Variants in UGT8 observed in about 807,000 individuals in gnomAD.
UGT8 encodes the protein 2-hydroxyacylsphingosine 1-beta-galactosyltransferase.
In UGT8, 12 loss-of-function variants were observed where a neutral mutation model predicts 40.5. That is an observed-to-expected ratio of 0.30 (90% CI 0.19 to 0.48). The LOEUF is 0.48. Among genes scored for constraint, UGT8 ranks in the 20% least tolerant of loss-of-function variants. The pLI, the probability that UGT8 is intolerant of heterozygous loss-of-function variation, is 0.99. For synonymous variants in UGT8, 224 were observed against 240.4 expected (o/e 0.93, Z 0.63); for missense variants, 513 against 648.7 (o/e 0.79, Z 2.27).
At chr4:114,658,140 C>A (rs1046043824) in intron 2 of UGT8, among the ~76,000 whole-genome samples, 1 of 152,202 alleles carries the variant, frequency 6.6e-6, no homozygotes. Flanking sequence ...TGTTCACTAT[C>A]ATTTTACCTA....
intron 1 of UGT8, among the ~76,000 whole-genome samples, chr4:114,612,892 C>A (rs1731176018): frequency 6.6e-6 from 1 of 152,100 alleles, no homozygotes. Context: ...AAGGTAAATT[C>A]TTTTTCTTTT....
rs568970139 is a variant in UGT8, at chr4:114,623,439, C to T, written c.559C>T (p.Arg187Cys). 28 of 1,614,154 alleles carry T rather than the reference C, an allele frequency of 1.7e-5. No homozygotes were observed. In the East Asian group the frequency reaches 4.5e-4, roughly 26 times the overall value. ...AGAGTTTAACTCACTCCTCACAGAC[C>T]GCATGAACTTGCTGCAAAGGATGAA... Reference protein sequence around the residue: ...VPEFNSLLTDRMNLLQRMKNT... With the variant: ...VPEFNSLLTDCMNLLQRMKNT... Residue 187 changes from arginine to cysteine, a missense_variant, in exon 2 of 6, where the codon CGC (arginine) becomes TGC (cysteine). This residue lies in a region of UGT8 where 335 missense variants were observed against 444.8 expected (regional missense o/e 0.75). Coordinates refer to ENST00000310836, the MANE Select transcript of UGT8 (RefSeq NM_001128174.3).
chr4:114,599,616 G>A (rs1730317071), intron 1 of UGT8, among the ~76,000 whole-genome samples: 1 of 152,210 alleles, frequency 6.6e-6, no homozygotes, highest in African/African-American at 2.4e-5. Flanking sequence ...AGGGTTTCAC[G>A]GGTCCCCGCG....
chr4:114,649,887 A>G (rs1272012044), intron 2 of UGT8, among the ~76,000 whole-genome samples: 1 of 152,158 alleles, frequency 6.6e-6, no homozygotes, highest in Non-Finnish European at 1.5e-5. Flanking sequence ...ACTCCTTGGT[A>G]CACTTTTGTG....
intron 2 of UGT8, among the ~76,000 whole-genome samples, chr4:114,659,902 G>C (rs1420042869): frequency 6.6e-6 from 1 of 152,144 alleles, no homozygotes; most frequent in Admixed American, 6.6e-5. Flanking sequence ...CATTGGAACA[G>C]AATAGAATTC....
rs200875294 is a variant in UGT8, at chr4:114,623,019, G to A, written c.139G>A (p.Glu47Lys). The A allele has an allele frequency of 3.3e-5, 53 of 1,613,942 alleles. No individual in the cohort carries two copies. Among genetic ancestry groups the A allele is most frequent in the Admixed American group, 2.3e-4 (14 of 59,968 alleles). The change falls in exon 2 of 6, where the codon GAG becomes AAG. Residue 47 changes from glutamate to lysine, a missense_variant. Glu to Lys is a moderately conservative substitution (Grantham distance 56). This residue lies in a region of UGT8 where 335 missense variants were observed against 444.8 expected (regional missense o/e 0.75). Coordinates refer to ENST00000310836, the MANE Select transcript of UGT8 (RefSeq NM_001128174.3). ...CAAGACGCTAGCCTCAGCCTTGCAC[G>A]AGAGAGGCCACCATACAGTGTTCCT... The part of the protein sequence containing the change: ...IFKTLASALH[E>K]RGHHTVFLLS...
At chr4:114,634,767 C>CT (rs140245540) in intron 2 of UGT8, among the ~76,000 whole-genome samples, 1,675 of 152,224 alleles carry the variant, frequency 0.011, 29 homozygotes, top group African/African-American at 0.037. Flanking sequence ...ATCACTTTAC[C>CT]TTTTTTTATC....
At chr4:114,661,651 C>T (rs1185237657) in intron 2 of UGT8, among the ~76,000 whole-genome samples, 1 of 152,146 alleles carries the variant, frequency 6.6e-6, no homozygotes, top group African/African-American at 2.4e-5. Flanking sequence ...GATTAGAGAT[C>T]ATGGGGAGGG....
At chr4:114,660,899 A>C (rs1040033370) in intron 2 of UGT8, among the ~76,000 whole-genome samples, 38 of 151,932 alleles carry the variant, frequency 2.5e-4, no homozygotes, top group Non-Finnish European at 5.4e-4. Flanking sequence ...TCAAAAAAAA[A>C]AAAAAAAAAA....
chr4:114,633,874 G>T (rs1732726224), intron 2 of UGT8, among the ~76,000 whole-genome samples: 1 of 152,098 alleles, frequency 6.6e-6, no homozygotes, highest in African/African-American at 2.4e-5. Flanking sequence ...AAGCCAGGAG[G>T]CAGAGGTTGC....
intron 2 of UGT8, among the ~76,000 whole-genome samples, chr4:114,630,312 A>T (rs1235056444): frequency 1.3e-5 from 2 of 151,984 alleles, no homozygotes; most frequent in East Asian, 3.9e-4. Context: ...TCTTCATACG[A>T]CTCTTTTGGT....
chr4:114,667,604 A>G (rs1380463939), intron 4 of UGT8, among the ~76,000 whole-genome samples: 1 of 152,212 alleles, frequency 6.6e-6, no homozygotes, highest in African/African-American at 2.4e-5. Flanking sequence ...AATAGTGATT[A>G]CAACATTTCT....
chr4:114,630,169 G>C (rs1192195854), intron 2 of UGT8, among the ~76,000 whole-genome samples: 2 of 152,158 alleles, frequency 1.3e-5, no homozygotes, highest in Non-Finnish European at 2.9e-5. Flanking sequence ...TGGCACTGAA[G>C]ACAAACTACC....
chr4:114,675,323 G>A (rs1735557177), intron 5 of UGT8, among the ~76,000 whole-genome samples: 1 of 152,164 alleles, frequency 6.6e-6, no homozygotes, highest in African/African-American at 2.4e-5. Context: ...GTAATGTAGT[G>A]TGGAAACAGC....
At chr4:114,599,044 GT>G (rs1730269703) in intron 1 of UGT8, 70 bp downstream of exon 1, 1 of 130,930 alleles carries the variant, frequency 7.6e-6, no homozygotes, top group Non-Finnish European at 1.6e-5. Flanking sequence ...GAGGGGCGTT[GT>G]TTGCTCCCTG....
At chr4:114,663,948 A>C (rs923207345) in intron 2 of UGT8, 47 bp from the exon 3 acceptor site, 16 of 1,599,494 alleles carry the variant, frequency 1.0e-5, no homozygotes, top group Non-Finnish European at 1.4e-5. Context: ...ACCAATTATA[A>C]ACTACATTGG....
At chr4:114,638,490 A>C (rs1733020199) in intron 2 of UGT8, among the ~76,000 whole-genome samples, 1 of 152,180 alleles carries the variant, frequency 6.6e-6, no homozygotes, top group African/African-American at 2.4e-5. Context: ...TCATTAACAG[A>C]CGAGGCAAAT....
At chr4:114,615,057 C>T (rs534369398) in intron 1 of UGT8, among the ~76,000 whole-genome samples, 16 of 152,170 alleles carry the variant, frequency 1.1e-4, no homozygotes, top group East Asian at 9.6e-4. Flanking sequence ...ATGTTTAAAA[C>T]GAGGGCTATT....
At chr4:114,668,979 G>C (rs1735065970) in intron 5 of UGT8, among the ~76,000 whole-genome samples, 1 of 152,276 alleles carries the variant, frequency 6.6e-6, no homozygotes, top group African/African-American at 2.4e-5. Context: ...TTCATTTGTA[G>C]ATATTATATT....
Sources: gnomAD v4.1 joint callset for allele counts (sites outside exome capture counted in the v4.1 genomes callset) on GRCh38, gnomAD v4.1.1 for gene constraint, gnomAD v4.1.1 regional missense constraint, MANE v1.5 for transcripts, NCBI Gene and HGNC (gene_info 2026-07-23, HGNC 2026-07-21) for gene names.